MYH10: variants seen among roughly 807,000 people sequenced by gnomAD.
The protein encoded by MYH10 is myosin-10.
A neutral mutation model predicts 257.8 loss-of-function variants in MYH10; 55 were observed. The ratio of observed to expected loss-of-function variants is 0.21; its 90% CI spans 0.17 to 0.27. The LOEUF (loss-of-function observed/expected upper bound fraction) is 0.27, where lower values mean the gene tolerates loss of function less well. Among genes scored for constraint, MYH10 ranks in the 10% least tolerant of loss-of-function variants. The pLI is 1.00. For synonymous variants in MYH10, 854 were observed against 921.7 expected, an observed-to-expected ratio of 0.93 and a Z score of 1.33; for missense variants, 1,631 against 2,500.6, an observed-to-expected ratio of 0.65 and a Z score of 7.42.
intron 4 of MYH10, among the ~76,000 whole-genome samples, chr17:8,580,357 G>A (rs1048245200): frequency 2.0e-5 from 3 of 150,960 alleles, no homozygotes; most frequent in Non-Finnish European, 2.9e-5. Context: ...AATAAAAAAC[G>A]ACAGGTAGAA....
chr17:8,494,233 C>T (rs972189891), intron 31 of MYH10, among the ~76,000 whole-genome samples: 2 of 152,284 alleles, frequency 1.3e-5, no homozygotes, highest in Middle Eastern at 3.4e-3. Context: ...CCCCCTGCCC[C>T]GTCTTAGTTC....
intron 4 of MYH10, among the ~76,000 whole-genome samples, chr17:8,587,587 G>GC (rs1228860834): frequency 6.6e-6 from 1 of 151,806 alleles, no homozygotes; most frequent in Non-Finnish European, 1.5e-5. Flanking sequence ...GAAGAGTCGC[G>GC]CCCCCCACTA....
chr17:8,484,512 A>G (rs1404820933), intron 36 of MYH10, among the ~76,000 whole-genome samples: 1 of 152,222 alleles, frequency 6.6e-6, no homozygotes. Context: ...GTATATGGGA[A>G]TGACAAGGAT....
At chr17:8,508,804 G>T in intron 25 of MYH10, 127 bp from the exon 26 acceptor site, 1 of 1,086,144 alleles carries the variant, frequency 9.2e-7, no homozygotes, top group Non-Finnish European at 1.3e-6. Flanking sequence ...TCCCCCAGCA[G>T]ACTGTACACA....
intron 21 of MYH10, among the ~76,000 whole-genome samples, chr17:8,517,757 A>G (rs898258821): frequency 6.6e-6 from 1 of 151,784 alleles, no homozygotes; most frequent in Admixed American, 6.6e-5. Context: ...ATTCCCCCTC[A>G]CTGCACTCCT....
chr17:8,489,624 A>T (rs1224160752), intron 35 of MYH10, among the ~76,000 whole-genome samples: 2 of 151,696 alleles, frequency 1.3e-5, no homozygotes, highest in Non-Finnish European at 2.9e-5. Context: ...GAATCACTTC[A>T]ATCTGGGAGG....
Position 8,478,443 on chromosome 17 carries a change from T to G in MYH10, c.5601A>C (p.Glu1867Asp). The G allele has an allele frequency of 6.2e-7, 1 of 1,614,206 alleles. No homozygotes were observed. Among genetic ancestry groups the G allele is most frequent in the Non-Finnish European group, 8.5e-7 (1 of 1,179,994 alleles). Residue 1867 changes from glutamate to aspartate, a missense_variant, in exon 41 of 43, where the codon GAA becomes GAC. By Grantham distance (45) the Glu-to-Asp change is conservative. Around this residue, in one of 11 missense-constraint regions of MYH10, gnomAD observed 343 missense variants for 389.5 expected, o/e 0.88. Coordinates refer to ENST00000360416, the MANE Select transcript of MYH10 (RefSeq NM_001256012.3). ...GGACTAATTTGTTGGCGGCTGCTCG[T>G]TCCCTGTGAAAGTGGTCACAGTAGT... ...LEEQLEQEAK[E>D]RAAANKLVRR...
chr17:8,583,720 A>C (rs537673543), intron 4 of MYH10, among the ~76,000 whole-genome samples: 1 of 152,322 alleles, frequency 6.6e-6, no homozygotes, highest in Admixed American at 6.5e-5. Context: ...AACTGTTCTC[A>C]ATCCTGGCTG....
At position 8,480,276 on chromosome 17, in the gene MYH10, C is replaced by G. The variant is rs762882971; in HGVS notation, c.5431G>C (p.Ala1811Pro). 5 of 1,614,040 alleles carry G rather than the reference C, an allele frequency of 3.1e-6. No individual in the cohort carries two copies. The highest frequency in any genetic ancestry group is 4.2e-6 in the Non-Finnish European group (5 of 1,180,036). The change falls in exon 40 of 43, where the codon GCC becomes CCC. Residue 1811 changes from alanine (A) to proline (P), a missense_variant. Physicochemically the swap from Ala to Pro is conservative, Grantham distance 27. Around this residue, in one of 11 missense-constraint regions of MYH10, gnomAD observed 343 missense variants for 389.5 expected, o/e 0.88. Coordinates refer to ENST00000360416, the MANE Select transcript of MYH10 (RefSeq NM_001256012.3). The part of the protein sequence containing the change: ...NAELAAERSA[A>P]QKSDNARQQL... ...TGGCGTGCATTGTCACTCTTCTGGG[C>G]GGCGCTGCGCTCGGCTGCTAGCTCG...
chr17:8,493,065 T>C, intron 32 of MYH10, 41 bp from the exon 33 acceptor site: 1 of 1,591,066 alleles, frequency 6.3e-7, no homozygotes, highest in Non-Finnish European at 8.6e-7. Context: ...TCAGTATTAA[T>C]GTACTCAATT....
intron 6 of MYH10, among the ~76,000 whole-genome samples, chr17:8,571,801 G>A (rs990746894): frequency 1.3e-5 from 2 of 152,028 alleles, no homozygotes; most frequent in Non-Finnish European, 2.9e-5. Context: ...GTCATTATTC[G>A]GTGATAGACT....
At chr17:8,593,986 G>A (rs547043736) in intron 3 of MYH10, among the ~76,000 whole-genome samples, 3 of 152,160 alleles carry the variant, frequency 2.0e-5, no homozygotes, top group Non-Finnish European at 2.9e-5. Flanking sequence ...AAGACATATA[G>A]ATCAAAGGAA....
intron 7 of MYH10, among the ~76,000 whole-genome samples, chr17:8,566,794 A>C (rs2083180045): frequency 6.6e-6 from 1 of 152,218 alleles, no homozygotes. Context: ...ATCTGTCCAA[A>C]CACTAAAATA....
rs2081021349 is a variant in MYH10 at position 8,504,828 on chromosome 17, C to A, written c.3465G>T (p.Gln1155His). The change falls in exon 28 of 43, where the codon CAG (glutamine) becomes CAT (histidine). Residue 1155 changes from glutamine to histidine, a missense_variant. Around this residue, in one of 11 missense-constraint regions of MYH10, gnomAD observed 169 missense variants for 249.8 expected, o/e 0.68. Coordinates refer to ENST00000360416, the MANE Select transcript of MYH10 (RefSeq NM_001256012.3). The surrounding 1 kb of genome is among the most constrained non-coding windows in gnomAD (Gnocchi z 5.6). Reference protein sequence around the residue: ...RELQAQIAELQEDFESEKASR... With the variant: ...RELQAQIAELHEDFESEKASR... Reference sequence around the variant, plus strand: ...AAGCCTTCTCGGATTCAAAGTCTTCCTGAAGTTCAGCAATTTGGGCTTGTA... The same window carrying A: ...AAGCCTTCTCGGATTCAAAGTCTTCATGAAGTTCAGCAATTTGGGCTTGTA... 3 of 1,614,232 alleles carry A rather than the reference C, an allele frequency of 1.9e-6. No individual in the cohort carries two copies. In the East Asian group the frequency reaches 6.7e-5, roughly 36 times the overall value.
At chr17:8,588,997 C>G in intron 4 of MYH10, 84 bp downstream of exon 4, 11 of 1,289,242 alleles carry the variant, frequency 8.5e-6, no homozygotes, top group Non-Finnish European at 1.1e-5. Context: ...TACTGCTCTA[C>G]TTCTCCCCTC....
At chr17:8,521,487 T>C (rs988448471) in intron 17 of MYH10, 8 of 587,224 alleles carry the variant, frequency 1.4e-5, no homozygotes, top group Non-Finnish European at 9.1e-6. Flanking sequence ...GATACTGTAG[T>C]GCTTTGACAG....
At chr17:8,588,996 A>T in intron 4 of MYH10, 85 bp downstream of exon 4, 1 of 1,229,580 alleles carries the variant, frequency 8.1e-7, no homozygotes, top group Non-Finnish European at 1.2e-6. Context: ...TTACTGCTCT[A>T]CTTCTCCCCT....
chr17:8,510,360 T>C (rs544520225), intron 24 of MYH10, among the ~76,000 whole-genome samples: 3 of 152,338 alleles, frequency 2.0e-5, no homozygotes, highest in East Asian at 1.9e-4. Flanking sequence ...AATGCAGTTA[T>C]GTGAAATAGA....
intron 38 of MYH10, 156 bp from the exon 39 acceptor site, chr17:8,480,681 T>A: frequency 3.2e-6 from 3 of 936,788 alleles, no homozygotes; most frequent in Non-Finnish European, 4.9e-6. Flanking sequence ...CATCAGTAGG[T>A]CCCACTGATG....
Sources: gnomAD v4.1 joint callset for allele counts (sites outside exome capture counted in the v4.1 genomes callset) on GRCh38, gnomAD v4.1.1 for gene constraint, gnomAD v4.1.1 regional missense constraint, Gnocchi (gnomAD v3.1) non-coding constraint, MANE v1.5 for transcripts, NCBI Gene and HGNC (gene_info 2026-07-23, HGNC 2026-07-21) for gene names.